Variants in RRBP1 observed in about 807,000 individuals in gnomAD.
RRBP1 encodes ribosome binding protein 1.
In RRBP1, 94 loss-of-function variants were observed where a neutral mutation model predicts 165.2. That is an observed-to-expected ratio of 0.57 (90% CI 0.48 to 0.68). The LOEUF is 0.68. RRBP1 is among the 30% of genes least tolerant of loss of function. The pLI is 0.00. For synonymous variants in RRBP1, 680 were observed against 714.5 expected, an observed-to-expected ratio of 0.95 and a Z score of 0.77; for missense variants, 1,676 against 1,763.0, an observed-to-expected ratio of 0.95 and a Z score of 0.88.
chr20:17,615,162 C>T (rs2035773841), intron 23 of RRBP1, among the ~76,000 whole-genome samples: 1 of 152,232 alleles, frequency 6.6e-6, no homozygotes, highest in Admixed American at 6.5e-5. Context: ...GACTACTGAG[C>T]GCTGGACGTG....
At chr20:17,650,754 T>C (rs993973253) in intron 3 of RRBP1, among the ~76,000 whole-genome samples, 4 of 152,310 alleles carry the variant, frequency 2.6e-5, no homozygotes, top group African/African-American at 9.6e-5. Flanking sequence ...GATCCAGACT[T>C]GATTCCAGGT....
chr20:17,670,492 A>G (rs553523411), intron 2 of RRBP1, among the ~76,000 whole-genome samples: 27 of 151,682 alleles, frequency 1.8e-4, no homozygotes, highest in African/African-American at 6.3e-4. Flanking sequence ...AAAGTTAAAC[A>G]AATCTTTACC....
intron 19 of RRBP1, 75 bp from the exon 20 acceptor site, chr20:17,618,754 C>A: frequency 8.5e-7 from 1 of 1,175,034 alleles, no homozygotes; most frequent in Non-Finnish European, 1.3e-6. Flanking sequence ...TGAGTTAGCG[C>A]CGAAACATAA....
chr20:17,640,200 A>G (rs1306412436), intron 5 of RRBP1, among the ~76,000 whole-genome samples: 5 of 152,166 alleles, frequency 3.3e-5, no homozygotes, highest in Admixed American at 3.3e-4. Context: ...CAGCCAGGTG[A>G]TGCCTAACTG....
At chr20:17,621,411 C>T (rs376444915) in intron 16 of RRBP1, 47 bp downstream of exon 16, 3 of 1,481,062 alleles carry the variant, frequency 2.0e-6, no homozygotes, top group African/African-American at 2.8e-5. Context: ...GCTCTCCTTC[C>T]CTGCAGCCTC....
intron 5 of RRBP1, among the ~76,000 whole-genome samples, chr20:17,639,137 G>C (rs1225981064): frequency 6.6e-6 from 1 of 152,216 alleles, no homozygotes; most frequent in African/African-American, 2.4e-5. Flanking sequence ...TTTCCAGAAG[G>C]TTGTGCCTTC....
Position 17,615,561 on chromosome 20 carries a change from G to C in RRBP1, c.3952-32C>G, listed in dbSNP as rs6044909. On this transcript the variant is annotated intron_variant, in intron 22 of 24. Transcript: ENST00000377813. ...GGAGAGGGAAGTGAGGTCTGGGTGA[G>C]ACGTCTTATAAACGGCTGTGCTGTC... is the stretch of plus-strand genomic sequence containing the variant. The C allele has an allele frequency of 0.022, 33,622 of 1,562,396 alleles. 1,975 individuals carry two copies. In the African/African-American group the frequency reaches 0.22, roughly 10 times the overall value.
chr20:17,618,514 C>A, intron 20 of RRBP1, 82 bp downstream of exon 20: 1 of 1,110,352 alleles, frequency 9.0e-7, no homozygotes, highest in East Asian at 2.4e-5. Flanking sequence ...TGAGTGGACA[C>A]AAACGCATGA....
chr20:17,626,386 T>C (rs2036021283), intron 11 of RRBP1, among the ~76,000 whole-genome samples: 2 of 152,144 alleles, frequency 1.3e-5, no homozygotes, highest in Non-Finnish European at 1.5e-5. Context: ...CAAGGTTTGG[T>C]TGTGGGTCAT....
Position 17,616,697 on chromosome 20 carries a change from A to G in RRBP1, c.3867+35T>C, listed in dbSNP as rs201092238. 99 of 1,403,878 alleles carry G rather than the reference A, an allele frequency of 7.1e-5. No homozygotes were observed. The Admixed American group carries it at 1.3e-3, about 18-fold the overall frequency. 87.0% of individuals were successfully genotyped at this position (1,403,878 alleles called of 1,614,324 possible). ...GCAGGGCCTGCACTCTTCTGGGATT[A>G]GTGATGTGTCTGGGGACCAGCTCAC... On this transcript the variant is annotated intron_variant, in intron 21 of 24. Transcript: ENST00000377813.
At chr20:17,645,032 C>T (rs932558318) in intron 3 of RRBP1, among the ~76,000 whole-genome samples, 1 of 152,220 alleles carries the variant, frequency 6.6e-6, no homozygotes, top group African/African-American at 2.4e-5. Flanking sequence ...ACCAGGGACC[C>T]CCAAAGTGCC....
chr20:17,617,230 G>A (rs2035818921), intron 20 of RRBP1, among the ~76,000 whole-genome samples: 1 of 152,238 alleles, frequency 6.6e-6, no homozygotes, highest in South Asian at 2.1e-4. Context: ...GCCCTTTCCG[G>A]GGTCTAGAAA....
chr20:17,661,791 C>T (rs1350419032), intron 2 of RRBP1, among the ~76,000 whole-genome samples: 1 of 152,140 alleles, frequency 6.6e-6, no homozygotes, highest in Admixed American at 6.5e-5. Flanking sequence ...GTCCAGGCTG[C>T]TTAGTGGCTC....
intron 13 of RRBP1, 39 bp downstream of exon 13, chr20:17,624,537 C>T (rs1460309316): frequency 7.1e-7 from 1 of 1,414,446 alleles, no homozygotes; most frequent in Non-Finnish European, 9.8e-7. Flanking sequence ...TCCTAGTGCA[C>T]TTTCCATGGT....
intron 7 of RRBP1, among the ~76,000 whole-genome samples, chr20:17,635,160 G>A (rs951032658): frequency 1.3e-5 from 2 of 152,204 alleles, no homozygotes; most frequent in Non-Finnish European, 2.9e-5. Context: ...AACTCCGGAG[G>A]GGAAGTGCAC....
chr20:17,659,294 G>T lies in RRBP1; in HGVS notation c.1214C>A (p.Ala405Asp). The T allele has an allele frequency of 6.5e-7, 1 of 1,537,524 alleles. No individual in the cohort carries two copies. The highest frequency in any genetic ancestry group is 8.7e-7 in the Non-Finnish European group (1 of 1,142,862). ...CTCGGCCTTTTTGCCCTGGTTCTGG[G>T]CACCCTCAGCCTTCTTGCCCTGGTT... Reference protein sequence around the residue: ...AQNQGKKAEGAQNQGKKAEGA... With the variant: ...AQNQGKKAEGDQNQGKKAEGA... Residue 405 changes from alanine to aspartate, a missense_variant, in exon 3 of 25, where the codon GCC becomes GAC. Physicochemically the swap from Ala to Asp is moderately radical, Grantham distance 126. This residue lies in a region of RRBP1 where 78 missense variants were observed against 115.6 expected (regional missense o/e 0.67). Coordinates refer to ENST00000377813, the MANE Select transcript of RRBP1 (RefSeq NM_001365613.2).
intron 3 of RRBP1, among the ~76,000 whole-genome samples, chr20:17,644,832 T>C (rs114125977): frequency 0.01 from 1,524 of 152,388 alleles, 28 homozygotes; most frequent in African/African-American, 0.034. Flanking sequence ...TAATTTTATA[T>C]ATGGATTGTA....
chr20:17,637,983 C>A (rs1370455348), intron 5 of RRBP1, among the ~76,000 whole-genome samples: 1 of 152,150 alleles, frequency 6.6e-6, no homozygotes, highest in African/African-American at 2.4e-5. Flanking sequence ...TTGTCCAAGG[C>A]TGGGGAGCAG....
chr20:17,635,642 A>AG lies in RRBP1; in HGVS notation c.2359dup (p.Leu787ProfsTer63). The AG allele has an allele frequency of 6.2e-7, 1 of 1,613,540 alleles. No homozygotes were observed. Among genetic ancestry groups the AG allele is most frequent in the Non-Finnish European group, 8.5e-7 (1 of 1,179,896 alleles). On this transcript the variant is annotated frameshift_variant, in exon 7 of 25. Coordinates refer to ENST00000377813, the MANE Select transcript of RRBP1 (RefSeq NM_001365613.2). LOFTEE classifies it high-confidence loss of function. ...CAGCTGCGTGTTGGGGCCATTCTCC[A>AG]GCTGCTCCTGAAGAGTCCGGATCTG...
Sources: gnomAD v4.1 joint callset for allele counts (sites outside exome capture counted in the v4.1 genomes callset) on GRCh38, gnomAD v4.1.1 for gene constraint, gnomAD v4.1.1 regional missense constraint, MANE v1.5 for transcripts, NCBI Gene and HGNC (gene_info 2026-07-23, HGNC 2026-07-21) for gene names.